Variants in CSMD1 observed in about 807,000 individuals in gnomAD.
CSMD1 encodes the protein CUB and Sushi multiple domains 1.
A neutral mutation model predicts 417.5 loss-of-function variants in CSMD1; 213 were observed. The ratio of observed to expected loss-of-function variants is 0.51; its 90% CI spans 0.46 to 0.57. The LOEUF is 0.57. Among genes scored for constraint, CSMD1 ranks in the 20% least tolerant of loss-of-function variants. The pLI is 0.00. For missense variants in CSMD1, 6,923 were observed against 4,529.7 expected (o/e 1.53, Z -15.17); for synonymous variants, 2,862 against 1,736.8 (o/e 1.65, Z -16.11).
At chr8:3,745,581 A>G (rs566953857) in intron 6 of CSMD1, among the ~76,000 whole-genome samples, 12 of 152,154 alleles carry the variant, frequency 7.9e-5, no homozygotes, top group African/African-American at 2.9e-4. Context: ...TTGCTCCTCA[A>G]CCATTTTGGA....
At position 4,476,920 on chromosome 8, in the gene CSMD1, G is replaced by A. The variant is rs575116044; in HGVS notation, c.303-56855C>T. Among the ~76,000 whole-genome samples, 3 of 152,322 alleles carry A rather than the reference G, an allele frequency of 2.0e-5. No homozygotes were observed. In the South Asian group the frequency reaches 6.2e-4, roughly 32 times the overall value. On this transcript the variant is annotated intron_variant, in intron 2 of 69. Transcript: ENST00000635120. ...TCCCAGGGAATCAAGGGTGAAAAGA[G>A]AAAGAAATGAAGCAGGGAAGGTAGG...
intron 1 of CSMD1, among the ~76,000 whole-genome samples, chr8:4,852,520 A>G (rs1052778994): frequency 2.6e-5 from 4 of 152,182 alleles, no homozygotes; most frequent in Admixed American, 6.5e-5. Flanking sequence ...TCTTTCATTT[A>G]TAAGTTACCT....
intron 2 of CSMD1, among the ~76,000 whole-genome samples, chr8:4,439,439 A>T (rs1027244075): frequency 4.6e-5 from 7 of 152,106 alleles, no homozygotes; most frequent in Non-Finnish European, 1.0e-4. Flanking sequence ...AATGATTTTC[A>T]TCTAACTTTT....
chr8:4,330,866 C>T (rs956609093), intron 3 of CSMD1, among the ~76,000 whole-genome samples: 2 of 152,106 alleles, frequency 1.3e-5, no homozygotes, highest in Non-Finnish European at 2.9e-5. Flanking sequence ...TACAGCTCAG[C>T]AGGAATGTCA....
At chr8:4,643,381 T>G (rs533071218) in intron 1 of CSMD1, among the ~76,000 whole-genome samples, 2 of 152,372 alleles carry the variant, frequency 1.3e-5, no homozygotes, top group South Asian at 4.1e-4. Context: ...GGCAGATTTT[T>G]GACCTCCAAA....
intron 5 of CSMD1, among the ~76,000 whole-genome samples, chr8:3,788,306 A>G (rs1205109418): frequency 6.6e-6 from 1 of 152,172 alleles, no homozygotes; most frequent in Non-Finnish European, 1.5e-5. Flanking sequence ...TTTTAGTAAA[A>G]TGCATAATAA....
chr8:4,487,469 T>C (rs188752119), intron 2 of CSMD1, among the ~76,000 whole-genome samples: 39 of 152,282 alleles, frequency 2.6e-4, no homozygotes, highest in Admixed American at 1.9e-3. Flanking sequence ...TCCAATTTCA[T>C]CCATGTCCCT....
intron 5 of CSMD1, 68 bp from the exon 6 acceptor site, chr8:3,754,110 C>G (rs578066426): frequency 1.0e-6 from 1 of 963,584 alleles, no homozygotes; most frequent in Non-Finnish European, 1.6e-6. Flanking sequence ...ATATCAAACC[C>G]GCTTTGAAAT....
chr8:4,665,591 A>G (rs1355749076), intron 1 of CSMD1, among the ~76,000 whole-genome samples: 5 of 152,164 alleles, frequency 3.3e-5, no homozygotes. Context: ...TTCCCAGGTC[A>G]TATTAATAGA....
At chr8:3,753,592 T>C (rs557374099) in intron 6 of CSMD1, among the ~76,000 whole-genome samples, 4 of 152,366 alleles carry the variant, frequency 2.6e-5, no homozygotes, top group East Asian at 3.9e-4. Context: ...ATAGCATGCT[T>C]AACATGAATG....
chr8:3,331,905 C>G (rs972088402), intron 23 of CSMD1, among the ~76,000 whole-genome samples: 2 of 152,094 alleles, frequency 1.3e-5, no homozygotes, highest in Admixed American at 6.5e-5. Context: ...GAGAGAAATT[C>G]AGAAGATCAT....
At chr8:4,971,871 C>T (rs1585434982) in intron 1 of CSMD1, among the ~76,000 whole-genome samples, 4 of 151,624 alleles carry the variant, frequency 2.6e-5, no homozygotes, top group African/African-American at 9.7e-5. Flanking sequence ...GACTGTAATC[C>T]CCTTTTAGCT....
At chr8:4,079,358 T>G (rs1188574461) in intron 3 of CSMD1, among the ~76,000 whole-genome samples, 2 of 152,158 alleles carry the variant, frequency 1.3e-5, no homozygotes, top group African/African-American at 4.8e-5. Context: ...TTTCCATAAT[T>G]TATGTAATCT....
chr8:4,492,135 T>C (rs1219435431), intron 2 of CSMD1, among the ~76,000 whole-genome samples: 1 of 152,188 alleles, frequency 6.6e-6, no homozygotes, highest in African/African-American at 2.4e-5. Context: ...CTTACGCTAT[T>C]GTCCACGCTA....
At chr8:3,790,783 G>A (rs1378057016) in intron 5 of CSMD1, among the ~76,000 whole-genome samples, 1 of 152,114 alleles carries the variant, frequency 6.6e-6, no homozygotes, top group Non-Finnish European at 1.5e-5. Context: ...TAGTGAGTTT[G>A]GGGTTTTTGC....
chr8:3,987,946 G>C (rs1467892841), intron 5 of CSMD1, among the ~76,000 whole-genome samples: 1 of 152,144 alleles, frequency 6.6e-6, no homozygotes, highest in Non-Finnish European at 1.5e-5. Flanking sequence ...AAAGGACTGA[G>C]AAATCCACAA....
chr8:3,273,917 C>G (rs980984473), intron 26 of CSMD1, among the ~76,000 whole-genome samples: 10 of 151,982 alleles, frequency 6.6e-5, no homozygotes, highest in African/African-American at 2.4e-4. Context: ...TTTTTTGTGT[C>G]TCTATTTCCT....
rs141373080 is a variant in CSMD1, at chr8:4,585,144, A to G, written c.302+52198T>C. Among the ~76,000 whole-genome samples, 301 of 152,266 alleles carry G rather than the reference A, an allele frequency of 2.0e-3. 1 individual carries two copies. Among genetic ancestry groups the G allele is most frequent in the African/African-American group, 6.7e-3 (277 of 41,578 alleles). On this transcript the variant is annotated intron_variant, in intron 2 of 69. Transcript: ENST00000635120. ...AGAAAGAGACTAACAGGAAGTGTAG[A>G]TATTAAAGTTAGCAGAAGTTGCCTT...
intron 26 of CSMD1, among the ~76,000 whole-genome samples, chr8:3,274,190 G>C (rs914049256): frequency 2.6e-4 from 39 of 151,684 alleles, no homozygotes; most frequent in Non-Finnish European, 3.1e-4. Context: ...TATGTACCCA[G>C]TAGTCATTCA....
Sources: gnomAD v4.1 joint callset for allele counts (sites outside exome capture counted in the v4.1 genomes callset) on GRCh38, gnomAD v4.1.1 for gene constraint, MANE v1.5 for transcripts, NCBI Gene and HGNC (gene_info 2026-07-23, HGNC 2026-07-21) for gene names.